NSUN2: variants seen among roughly 807,000 people sequenced by gnomAD.
NSUN2 encodes the protein RNA cytosine C(5)-methyltransferase NSUN2.
A neutral mutation model predicts 92.7 loss-of-function variants in NSUN2; 63 were observed. The ratio of observed to expected loss-of-function variants is 0.68; its 90% CI spans 0.56 to 0.84. The LOEUF (loss-of-function observed/expected upper bound fraction) is 0.84. NSUN2 is among the 40% of genes least tolerant of loss of function. The pLI is 0.00. For missense variants in NSUN2, 989 were observed against 964.9 expected, an observed-to-expected ratio of 1.02 and a Z score of -0.33; for synonymous variants, 356 against 348.3, an observed-to-expected ratio of 1.02 and a Z score of -0.25.
intron 12 of NSUN2, among the ~76,000 whole-genome samples, chr5:6,609,567 T>C (rs1225993330): frequency 6.6e-6 from 1 of 152,200 alleles, no homozygotes; most frequent in Non-Finnish European, 1.5e-5. Flanking sequence ...CAATTTTTAT[T>C]AAATAACTGG....
At chr5:6,629,974 A>ACTCAGGTATGTC (rs368014128) in intron 3 of NSUN2, among the ~76,000 whole-genome samples, 1 of 152,320 alleles carries the variant, frequency 6.6e-6, no homozygotes, top group East Asian at 1.9e-4. Flanking sequence ...TCTATACATT[A>ACTCAGGTATGTC]CTCAGGTATG....
At chr5:6,604,526 G>T in intron 16 of NSUN2, 79 bp downstream of exon 16, 1 of 1,304,878 alleles carries the variant, frequency 7.7e-7, no homozygotes, top group Non-Finnish European at 1.1e-6. Flanking sequence ...AGACCATCTG[G>T]CTGACCAGCA....
At chr5:6,602,088 G>C (rs958618130) in intron 18 of NSUN2, among the ~76,000 whole-genome samples, 12 of 152,204 alleles carry the variant, frequency 7.9e-5, no homozygotes, top group African/African-American at 2.9e-4. Context: ...TAACATGTCA[G>C]CAACACACAT....
rs892659776 is a variant in NSUN2 at position 6,627,529 on chromosome 5, A to G, written c.360-1860T>C. On this transcript the variant is annotated intron_variant, in intron 3 of 18. Transcript: ENST00000264670. ...ATATACTTTGAACAAATATAGCCTT[A>G]TATGTCTTTTTCGTCAAATTTCTGA... Among the ~76,000 whole-genome samples, 8 of 152,360 alleles carry G rather than the reference A, an allele frequency of 5.3e-5. No homozygotes were observed. The South Asian group carries it at 6.2e-4, about 12-fold the overall frequency.
At position 6,603,599 on chromosome 5, in the gene NSUN2, G is replaced by T. The variant is rs377744236; in HGVS notation, c.1957+539C>A. Reference sequence around the variant, plus strand: ...CCAGCTACTTGGGAGGCTGGGGCAGGAGAATGGCTGAACCTGGGAGGCGGA... The same window carrying T: ...CCAGCTACTTGGGAGGCTGGGGCAGTAGAATGGCTGAACCTGGGAGGCGGA... On this transcript the variant is annotated intron_variant, in intron 17 of 18. Coordinates refer to ENST00000264670, the MANE Select transcript of NSUN2 (RefSeq NM_017755.6). 8.9e-4 allele frequency among the ~76,000 whole-genome samples: 135 copies of T among 152,346 alleles called. 2 individuals carry two copies. The South Asian group carries it at 0.028, about 31-fold the overall frequency.
chr5:6,608,400 A>G (rs920043712), intron 12 of NSUN2, among the ~76,000 whole-genome samples: 1 of 152,220 alleles, frequency 6.6e-6, no homozygotes, highest in African/African-American at 2.4e-5. Context: ...AAGTGCTTAC[A>G]GGCCTCAGCA....
chr5:6,608,146 C>T (rs1736854825), intron 12 of NSUN2, among the ~76,000 whole-genome samples: 1 of 152,332 alleles, frequency 6.6e-6, no homozygotes, highest in East Asian at 1.9e-4. Context: ...CAGGGAACAC[C>T]TTTTATTTCC....
Position 6,607,129 on chromosome 5 carries a change from G to T in NSUN2, c.1508+71C>A, listed in dbSNP as rs1042000482. ...TCAAACCGACCAAGAAGTGGCTCTGGGATCCCATTTAATCCAAAAGGACTG... is the reference window on the plus strand; with the variant it reads ...TCAAACCGACCAAGAAGTGGCTCTGTGATCCCATTTAATCCAAAAGGACTG... On this transcript the variant is annotated intron_variant, in intron 13 of 18. Transcript: ENST00000264670. 13 of 1,500,140 alleles carry T rather than the reference G, an allele frequency of 8.7e-6. No individual in the cohort carries two copies. The African/African-American group carries it at 1.4e-4, about 16-fold the overall frequency. The allele number at this position is 1,500,140 out of a possible 1,614,324, so 92.9% of individuals were successfully genotyped here. A position where few individuals can be genotyped will look rare whatever the true frequency, so the allele number is the denominator to read the frequency against.
Position 6,610,213 on chromosome 5 carries a change from AAC to A in NSUN2, c.1227-293_1227-292del, listed in dbSNP as rs1003263299. Among the ~76,000 whole-genome samples the A allele has an allele frequency of 1.4e-4, 21 of 152,088 alleles. No homozygotes were observed. The East Asian group carries it at 1.5e-3, about 11-fold the overall frequency. On this transcript the variant is annotated intron_variant, in intron 11 of 18. Transcript: ENST00000264670. The stretch of plus-strand genomic sequence containing the variant: ...CAAGGAGCTGGGACTACAGGCATGC[AAC>A]ACACTGCCTGGCCAGTTTTTGTATT...
intron 3 of NSUN2, among the ~76,000 whole-genome samples, chr5:6,629,815 C>G (rs543388711): frequency 6.6e-6 from 1 of 152,170 alleles, no homozygotes; most frequent in Non-Finnish European, 1.5e-5. Context: ...AGGGGGAGAT[C>G]TGATGGTTTA....
At chr5:6,627,768 T>C (rs1056503856) in intron 3 of NSUN2, among the ~76,000 whole-genome samples, 3 of 152,214 alleles carry the variant, frequency 2.0e-5, no homozygotes, top group African/African-American at 7.2e-5. Flanking sequence ...TTTTAAATTA[T>C]GTTTCTTATA....
intron 17 of NSUN2, among the ~76,000 whole-genome samples, 160 bp from the exon 18 acceptor site, chr5:6,602,660 C>A (rs1015727315): frequency 6.6e-6 from 1 of 152,092 alleles, no homozygotes; most frequent in Non-Finnish European, 1.5e-5. Flanking sequence ...GAAAAGAGGC[C>A]GTCTGGATAC....
chr5:6,632,023 T>C (rs1157906397), intron 2 of NSUN2, 46 bp from the exon 3 acceptor site: 1 of 1,398,224 alleles, frequency 7.2e-7, no homozygotes, highest in East Asian at 2.3e-5. Flanking sequence ...AAAACTAAGT[T>C]AATACATTGT....
chr5:6,603,580 A>C (rs564767595), intron 17 of NSUN2, among the ~76,000 whole-genome samples: 54 of 152,220 alleles, frequency 3.5e-4, no homozygotes, highest in Non-Finnish European at 6.0e-4. Flanking sequence ...AGTCCCAGCT[A>C]CTTGGGAGGC....
At chr5:6,614,093 CGG>C (rs1491107075) in intron 9 of NSUN2, among the ~76,000 whole-genome samples, 2 of 38,116 alleles carry the variant, frequency 5.2e-5, no homozygotes, top group Non-Finnish European at 9.3e-5. Context: ...GAGACTGTCT[CGG>C]AAAAAAAAAA....
intron 14 of NSUN2, among the ~76,000 whole-genome samples, chr5:6,605,947 C>T (rs1038717616): frequency 6.6e-6 from 1 of 152,136 alleles, no homozygotes; most frequent in African/African-American, 2.4e-5. Context: ...CCTGCCTCAG[C>T]CTCCCCAAGT....
chr5:6,627,610 G>T (rs997958313), intron 3 of NSUN2, among the ~76,000 whole-genome samples: 4 of 152,160 alleles, frequency 2.6e-5, no homozygotes, highest in African/African-American at 9.7e-5. Context: ...ATTTATAATT[G>T]TGAAGGCTGT....
chr5:6,612,540 C>A lies in NSUN2; in HGVS notation c.1022-742G>T, dbSNP rs16877669. 7.0e-3 allele frequency among the ~76,000 whole-genome samples: 1,061 copies of A among 152,238 alleles called. 9 individuals carry two copies. The highest frequency in any genetic ancestry group is 0.025 in the African/African-American group (1,025 of 41,546). On this transcript the variant is annotated intron_variant, in intron 9 of 18. Coordinates refer to ENST00000264670, the MANE Select transcript of NSUN2 (RefSeq NM_017755.6). Reference sequence around the variant, plus strand: ...CATTACAGGAAACCAGTGAGACCAGCTACTAGCACAGATACTGATGTGACA... The same window carrying A: ...CATTACAGGAAACCAGTGAGACCAGATACTAGCACAGATACTGATGTGACA...
At chr5:6,610,621 T>C (rs959971049) in intron 11 of NSUN2, among the ~76,000 whole-genome samples, 7 of 150,934 alleles carry the variant, frequency 4.6e-5, no homozygotes, top group African/African-American at 1.7e-4. Flanking sequence ...GAGGCAGAGG[T>C]TGCAGTGAGC....
Sources: gnomAD v4.1 joint callset for allele counts (sites outside exome capture counted in the v4.1 genomes callset) on GRCh38, gnomAD v4.1.1 for gene constraint, MANE v1.5 for transcripts, NCBI Gene and HGNC (gene_info 2026-07-23, HGNC 2026-07-21) for gene names.